The following GRIA4 variants were observed in gnomAD, a reference collection of about 807,000 sequenced individuals.
GRIA4 encodes the protein glutamate ionotropic receptor AMPA type subunit 4.
A neutral mutation model predicts 104.0 loss-of-function variants in GRIA4; 34 were observed. That is an observed-to-expected ratio of 0.33 (90% CI 0.25 to 0.44). GRIA4 has a LOEUF of 0.44. Among genes scored for constraint, GRIA4 ranks in the 20% least tolerant of loss-of-function variants. The pLI, the probability that GRIA4 is intolerant of heterozygous loss-of-function variation, is 1.00. For synonymous variants in GRIA4, 386 were observed against 381.9 expected (o/e 1.01, Z -0.13); for missense variants, 750 against 1,096.5 (o/e 0.68, Z 4.46).
chr11:105,782,295 T>C (rs1941763951), intron 4 of GRIA4, among the ~76,000 whole-genome samples: 1 of 152,220 alleles, frequency 6.6e-6, no homozygotes, highest in South Asian at 2.1e-4. Context: ...TATCGAGATA[T>C]GTTTGGTGTT....
intron 4 of GRIA4, among the ~76,000 whole-genome samples, chr11:105,776,511 A>G (rs373912944): frequency 1.4e-3 from 210 of 152,320 alleles, no homozygotes; most frequent in African/African-American, 4.7e-3. Flanking sequence ...TTATATTTGA[A>G]TTCCAGGTCT....
At chr11:105,654,825 T>A (rs1315323471) in intron 3 of GRIA4, among the ~76,000 whole-genome samples, 2 of 152,164 alleles carry the variant, frequency 1.3e-5, no homozygotes, top group African/African-American at 2.4e-5. Flanking sequence ...CACAGACTCC[T>A]AAATACAACT....
At chr11:105,855,863 G>A (rs1264746497) in intron 4 of GRIA4, among the ~76,000 whole-genome samples, 1 of 152,114 alleles carries the variant, frequency 6.6e-6, no homozygotes, top group Non-Finnish European at 1.5e-5. Context: ...TACTTTGGGT[G>A]ATGAAGGAGG....
chr11:105,727,000 C>T (rs868196528), intron 3 of GRIA4, among the ~76,000 whole-genome samples: 6 of 152,018 alleles, frequency 3.9e-5, no homozygotes, highest in Admixed American at 6.5e-5. Context: ...CACAACTCCT[C>T]GCCAGCAAGG....
intron 3 of GRIA4, among the ~76,000 whole-genome samples, chr11:105,684,820 T>C (rs2135475832): frequency 6.6e-6 from 1 of 151,774 alleles, no homozygotes; most frequent in East Asian, 1.9e-4. Context: ...TAGAAAGCAG[T>C]GCATTGACTG....
At chr11:105,854,622 G>A (rs1189438701) in intron 4 of GRIA4, among the ~76,000 whole-genome samples, 1 of 152,166 alleles carries the variant, frequency 6.6e-6, no homozygotes, top group African/African-American at 2.4e-5. Context: ...GCTTGGGCCT[G>A]GGTGGAGGCA....
At chr11:105,715,207 T>A (rs143521212) in intron 3 of GRIA4, among the ~76,000 whole-genome samples, 2 of 152,224 alleles carry the variant, frequency 1.3e-5, no homozygotes, top group Admixed American at 6.5e-5. Context: ...ACAATGGTCA[T>A]AATCAAAAGA....
intron 14 of GRIA4, among the ~76,000 whole-genome samples, chr11:105,960,326 C>A (rs958716569): frequency 6.6e-6 from 1 of 152,216 alleles, no homozygotes; most frequent in East Asian, 1.9e-4. Flanking sequence ...TACTGGAGAT[C>A]CTGCGGGGAA....
intron 4 of GRIA4, among the ~76,000 whole-genome samples, chr11:105,764,871 A>T (rs1450440013): frequency 6.6e-6 from 1 of 152,162 alleles, no homozygotes; most frequent in Non-Finnish European, 1.5e-5. Context: ...TAGACTGGAA[A>T]TTATTGTTTC....
At chr11:105,741,946 T>A (rs1269564372) in intron 3 of GRIA4, among the ~76,000 whole-genome samples, 1 of 152,126 alleles carries the variant, frequency 6.6e-6, no homozygotes, top group Non-Finnish European at 1.5e-5. Context: ...AGGACTATAG[T>A]TGATAATATT....
At chr11:105,942,658 T>C (rs1446478666) in intron 14 of GRIA4, among the ~76,000 whole-genome samples, 3 of 152,088 alleles carry the variant, frequency 2.0e-5, no homozygotes, top group Non-Finnish European at 2.9e-5. Flanking sequence ...AGTATAAACA[T>C]AGATTCACTC....
intron 13 of GRIA4, among the ~76,000 whole-genome samples, 191 bp from the exon 14 acceptor site, chr11:105,933,531 T>C (rs1245497945): frequency 6.6e-6 from 1 of 152,158 alleles, no homozygotes; most frequent in Admixed American, 6.6e-5. Flanking sequence ...TTCCATGATT[T>C]CCTTAAACAG....
Position 105,971,764 on chromosome 11 carries a change from T to C in GRIA4, c.2295-150T>C, listed in dbSNP as rs1398028312. The stretch of plus-strand genomic sequence containing the variant: ...AGCGATGGAGCAGGCCCCAGTTTTA[T>C]GTCTGATTCTAAACCTGGGCCTACA... On this transcript the variant is annotated intron_variant, in intron 14 of 16. Coordinates refer to ENST00000282499, the MANE Select transcript of GRIA4 (RefSeq NM_000829.4). The C allele has an allele frequency of 1.1e-5, 5 of 472,666 alleles. No individual in the cohort carries two copies. The East Asian group carries it at 1.4e-4, about 14-fold the overall frequency. 29.3% of individuals were successfully genotyped at this position (472,666 alleles called of 1,614,324 possible). A position where few individuals can be genotyped will look rare whatever the true frequency, so the allele number is the denominator to read the frequency against.
At chr11:105,779,405 C>T (rs1941608375) in intron 4 of GRIA4, among the ~76,000 whole-genome samples, 1 of 152,084 alleles carries the variant, frequency 6.6e-6, no homozygotes, top group African/African-American at 2.4e-5. Flanking sequence ...CATCAAGCTA[C>T]CAATGACTTT....
chr11:105,773,243 G>A (rs1227509304), intron 4 of GRIA4, among the ~76,000 whole-genome samples: 1 of 152,042 alleles, frequency 6.6e-6, no homozygotes, highest in East Asian at 1.9e-4. Flanking sequence ...GTCCTTAAGA[G>A]GGAGAAAGAA....
At chr11:105,888,396 G>T (rs1299027753) in intron 6 of GRIA4, among the ~76,000 whole-genome samples, 61 of 135,298 alleles carry the variant, frequency 4.5e-4, no homozygotes, top group Admixed American at 9.2e-4. Context: ...CCATTCTCCT[G>T]CCTCAGCCTC....
chr11:105,627,732 A>G (rs1225865791), intron 3 of GRIA4, among the ~76,000 whole-genome samples: 3 of 152,140 alleles, frequency 2.0e-5, no homozygotes, highest in Admixed American at 2.0e-4. Context: ...GTTATAATAA[A>G]CAGGTTGGAA....
At chr11:105,809,204 A>G (rs1312507597) in intron 4 of GRIA4, among the ~76,000 whole-genome samples, 2 of 152,064 alleles carry the variant, frequency 1.3e-5, no homozygotes, top group Non-Finnish European at 2.9e-5. Flanking sequence ...ATTCTAACTC[A>G]CTTTCTAATC....
intron 7 of GRIA4, among the ~76,000 whole-genome samples, chr11:105,899,845 G>A (rs187614575): frequency 6.6e-5 from 10 of 152,180 alleles, no homozygotes; most frequent in Admixed American, 3.9e-4. Flanking sequence ...GTTCATGCCC[G>A]AATGAAGCTT....
Sources: allele counts gnomAD v4.1 joint callset (sites outside exome capture counted in the v4.1 genomes callset), GRCh38; gene constraint gnomAD v4.1.1; transcripts MANE v1.5; gene names NCBI Gene and HGNC (gene_info 2026-07-23, HGNC 2026-07-21).